GRIA3: variants seen among roughly 807,000 people sequenced by gnomAD.
GRIA3 encodes glutamate receptor 3.
In GRIA3, 3 loss-of-function variants were observed where a neutral mutation model predicts 63.0. That is an observed-to-expected ratio of 0.05 (90% CI 0.02 to 0.12). The LOEUF (loss-of-function observed/expected upper bound fraction) is 0.12. Among genes scored for constraint, GRIA3 ranks in the 10% least tolerant of loss-of-function variants. The pLI is 1.00. For missense variants in GRIA3, 347 were observed against 700.9 expected, an observed-to-expected ratio of 0.50 and a Z score of 5.70; for synonymous variants, 274 against 257.9, an observed-to-expected ratio of 1.06 and a Z score of -0.60.
chrX:123,285,778 G>A (rs2044615519), intron 3 of GRIA3, among the ~76,000 whole-genome samples: 2 of 110,546 alleles, frequency 1.8e-5, no homozygotes, highest in African/African-American at 6.6e-5. Flanking sequence ...CAAGTTCTTA[G>A]AGACCTACAA....
chrX:123,185,734 A>G lies in GRIA3; in HGVS notation c.110-98A>G, dbSNP rs759322827. 4 of 648,614 alleles carry G rather than the reference A, an allele frequency of 6.2e-6. No homozygotes were observed. The East Asian group carries it at 9.9e-5, about 16-fold the overall frequency. 53.5% of individuals were successfully genotyped at this position (648,614 alleles called of 1,213,427 possible). A position where few individuals can be genotyped will look rare whatever the true frequency, so the allele number is the denominator to read the frequency against. On this transcript the variant is annotated intron_variant, in intron 1 of 15. Transcript: ENST00000620443. The stretch of plus-strand genomic sequence containing the variant: ...TCAATCCTCAATCCCACACCCCAGT[A>G]TCATTGAGAGGTATCCGGTATCTAT...
chrX:123,220,770 C>T (rs1401947431), intron 2 of GRIA3, among the ~76,000 whole-genome samples: 1 of 112,089 alleles, frequency 8.9e-6, no homozygotes, highest in Non-Finnish European at 1.9e-5. Flanking sequence ...ACACTACTTC[C>T]TACTTCATGG....
intron 2 of GRIA3, among the ~76,000 whole-genome samples, chrX:123,203,264 A>G (rs777077075): frequency 2.7e-5 from 3 of 111,754 alleles, no homozygotes; most frequent in Non-Finnish European, 5.6e-5. Context: ...TGGTTTGCTC[A>G]GAGTTAAATT....
chrX:123,315,200 T>C (rs1038825680), intron 3 of GRIA3, among the ~76,000 whole-genome samples: 1 of 111,993 alleles, frequency 8.9e-6, no homozygotes, highest in African/African-American at 3.2e-5. Context: ...AAGGAAAATT[T>C]AAACAAATAC....
chrX:123,313,601 C>T (rs2044812499), intron 3 of GRIA3, among the ~76,000 whole-genome samples: 1 of 111,369 alleles, frequency 9.0e-6, no homozygotes, highest in Non-Finnish European at 1.9e-5. Flanking sequence ...ACACCCAGAA[C>T]TCAGAAATGT....
chrX:123,390,063 T>C (rs967602304), intron 5 of GRIA3, among the ~76,000 whole-genome samples: 1 of 111,938 alleles, frequency 8.9e-6, no homozygotes, highest in African/African-American at 3.3e-5. Context: ...TTATTATTAA[T>C]ATTTGAAGGC....
chrX:123,203,099 T>C (rs1296933644), intron 2 of GRIA3, among the ~76,000 whole-genome samples: 1 of 111,786 alleles, frequency 8.9e-6, no homozygotes. Context: ...AGCTCAAAAT[T>C]AGTGAGGACA....
At chrX:123,188,080 C>T (rs1156614665) in intron 2 of GRIA3, among the ~76,000 whole-genome samples, 4 of 111,893 alleles carry the variant, frequency 3.6e-5, no homozygotes, top group East Asian at 5.6e-4. Context: ...AAAATGAAAA[C>T]GTGACCTTGC....
At chrX:123,318,266 T>G (rs1371410841) in intron 3 of GRIA3, among the ~76,000 whole-genome samples, 3 of 110,010 alleles carry the variant, frequency 2.7e-5, no homozygotes, top group Non-Finnish European at 3.8e-5. Context: ...TGGAGACATT[T>G]TCCCCCCATG....
intron 5 of GRIA3, among the ~76,000 whole-genome samples, chrX:123,384,362 C>T (rs1045165314): frequency 3.6e-5 from 4 of 112,519 alleles, no homozygotes; most frequent in Non-Finnish European, 7.5e-5. Flanking sequence ...TGGTGGCTAA[C>T]GCCTGTATTC....
In GRIA3 at chrX:123,311,877, A is replaced by C. The variant is rs185795682; in HGVS notation, c.509-14149A>C. On this transcript the variant is annotated intron_variant, in intron 3 of 15. Transcript: ENST00000620443. ...GATTCCAACTTTCCTGGACAACTGC[A>C]CATGTTGGAATAATTTCAGTCACTG... Among the ~76,000 whole-genome samples the C allele has an allele frequency of 3.6e-5, 4 of 112,317 alleles. No individual in the cohort carries two copies. The East Asian group carries it at 1.1e-3, about 31-fold the overall frequency.
At chrX:123,244,381 T>A (rs1243061170) in intron 2 of GRIA3, among the ~76,000 whole-genome samples, 1 of 111,295 alleles carries the variant, frequency 9.0e-6, no homozygotes, top group Non-Finnish European at 1.9e-5. Flanking sequence ...ACCATATCCA[T>A]CCTCTATCTA....
intron 5 of GRIA3, among the ~76,000 whole-genome samples, chrX:123,366,531 T>C (rs189378634): frequency 0.071 from 7,888 of 111,752 alleles, 708 homozygotes; most frequent in African/African-American, 0.24. Flanking sequence ...AGGTGATATC[T>C]GGAAAATTAT....
At chrX:123,240,138 T>C (rs1359603035) in intron 2 of GRIA3, among the ~76,000 whole-genome samples, 3 of 111,540 alleles carry the variant, frequency 2.7e-5, no homozygotes, top group Non-Finnish European at 5.7e-5. Flanking sequence ...AGTGCAACCC[T>C]GAAACATCCT....
intron 1 of GRIA3, among the ~76,000 whole-genome samples, chrX:123,185,203 G>A (rs1204032041): frequency 8.9e-6 from 1 of 111,805 alleles, no homozygotes; most frequent in Non-Finnish European, 1.9e-5. Flanking sequence ...GGAGGCGGGG[G>A]TGAGACTAGG....
At chrX:123,483,155 T>G (rs938576911) in intron 15 of GRIA3, 109 bp downstream of exon 15, 41 of 640,860 alleles carry the variant, frequency 6.4e-5, no homozygotes, top group Non-Finnish European at 9.3e-5. Flanking sequence ...AAGCATTGTC[T>G]CTTTGCAACC....
At chrX:123,427,857 C>T in intron 11 of GRIA3, 84 bp from the exon 12 acceptor site, 1 of 681,141 alleles carries the variant, frequency 1.5e-6, no homozygotes, top group Non-Finnish European at 2.4e-6. Flanking sequence ...GAAACCACTC[C>T]TCTTTCCAGA....
chrX:123,431,742 T>G (rs910651323), intron 12 of GRIA3, among the ~76,000 whole-genome samples: 2 of 112,300 alleles, frequency 1.8e-5, no homozygotes, highest in African/African-American at 6.5e-5. Flanking sequence ...CCTGCAGACC[T>G]TTAAAAGTAT....
chrX:123,262,107 G>A (rs752030802), intron 3 of GRIA3, among the ~76,000 whole-genome samples: 16 of 111,818 alleles, frequency 1.4e-4, no homozygotes, highest in Admixed American at 8.5e-4. Flanking sequence ...GATGGACAGC[G>A]GTATAGACCT....
Sources: allele counts gnomAD v4.1 joint callset (sites outside exome capture counted in the v4.1 genomes callset), GRCh38; gene constraint gnomAD v4.1.1; transcripts MANE v1.5; gene names NCBI Gene and HGNC (gene_info 2026-07-23, HGNC 2026-07-21).